Variants in ZNF385D observed in about 807,000 individuals in gnomAD.
ZNF385D encodes zinc finger protein 659.
ZNF385D carries 15 observed loss-of-function variants against 35.8 expected under a neutral mutation model. The observed-to-expected ratio is 0.42, with a 90% CI of 0.28 to 0.64. The LOEUF (loss-of-function observed/expected upper bound fraction) is 0.64. Among genes scored for constraint, ZNF385D ranks in the 30% least tolerant of loss-of-function variants. ZNF385D has a pLI of 0.23. For synonymous variants in ZNF385D, 212 were observed against 186.8 expected (o/e 1.13, Z -1.10); for missense variants, 474 against 494.6 (o/e 0.96, Z 0.39).
At chr3:21,738,394 T>C (rs764181298) in intron 1 of ZNF385D, among the ~76,000 whole-genome samples, 21 of 152,214 alleles carry the variant, frequency 1.4e-4, no homozygotes, top group Non-Finnish European at 2.5e-4. Flanking sequence ...ACAGGAATAC[T>C]GATAATTCTT....
chr3:21,720,029 T>G (rs1459570910), intron 1 of ZNF385D, among the ~76,000 whole-genome samples: 1 of 152,150 alleles, frequency 6.6e-6, no homozygotes, highest in African/African-American at 2.4e-5. Flanking sequence ...TTGTGAAACT[T>G]AGCTGCGCAC....
chr3:22,098,623 G>A (rs1701760914), intron 3 of ZNF385D, among the ~76,000 whole-genome samples: 1 of 151,946 alleles, frequency 6.6e-6, no homozygotes, highest in Admixed American at 6.6e-5. Context: ...TTCCCATCTG[G>A]GAAGGAGAGG....
intron 3 of ZNF385D, among the ~76,000 whole-genome samples, chr3:22,078,838 G>C (rs892590819): frequency 2.6e-5 from 4 of 151,954 alleles, no homozygotes; most frequent in African/African-American, 9.7e-5. Context: ...GCAAAGATAA[G>C]TTCTATAATA....
intron 2 of ZNF385D, among the ~76,000 whole-genome samples, chr3:21,588,375 A>C (rs2063873888): frequency 6.6e-6 from 1 of 152,118 alleles, no homozygotes; most frequent in Non-Finnish European, 1.5e-5. Flanking sequence ...TGCTTTCAAA[A>C]ATTTACCTTT....
At chr3:21,959,021 A>G (rs914380300) in intron 3 of ZNF385D, 2 of 152,192 alleles carry the variant, frequency 1.3e-5, no homozygotes, top group African/African-American at 4.8e-5. Flanking sequence ...AGCATAAAAT[A>G]CAGGTTTCTG....
chr3:21,615,007 T>C (rs554926980), intron 2 of ZNF385D, among the ~76,000 whole-genome samples: 2 of 152,246 alleles, frequency 1.3e-5, no homozygotes, highest in East Asian at 1.9e-4. Flanking sequence ...CAACAAAACC[T>C]CCCCCAGTGG....
chr3:21,930,981 C>A (rs1224659377), intron 3 of ZNF385D, among the ~76,000 whole-genome samples: 1 of 151,980 alleles, frequency 6.6e-6, no homozygotes, highest in African/African-American at 2.4e-5. Flanking sequence ...AAATAAGAAA[C>A]TTCTGTGCTT....
chr3:22,154,027 T>C (rs1292008110), intron 3 of ZNF385D, among the ~76,000 whole-genome samples: 2 of 152,126 alleles, frequency 1.3e-5, no homozygotes, highest in African/African-American at 4.8e-5. Context: ...TTACTTTCCA[T>C]TTCATTTTCT....
intron 1 of ZNF385D, among the ~76,000 whole-genome samples, chr3:21,715,256 C>T (rs565751495): frequency 2.0e-5 from 3 of 152,192 alleles, no homozygotes; most frequent in African/African-American, 4.8e-5. Flanking sequence ...CCCCATTACT[C>T]GTTCAAGTTT....
At chr3:21,983,154 ATT>A (rs756954141) in intron 3 of ZNF385D, among the ~76,000 whole-genome samples, 19,833 of 116,464 alleles carry the variant, frequency 0.17, 1,518 homozygotes, top group Middle Eastern at 0.27. Context: ...ATTTTATTTT[ATT>A]TTATTTTATT....
chr3:22,191,788 A>G (rs1004650382), intron 2 of ZNF385D, among the ~76,000 whole-genome samples: 1 of 152,194 alleles, frequency 6.6e-6, no homozygotes, highest in Non-Finnish European at 1.5e-5. Flanking sequence ...AAAATATTTC[A>G]GTGAAGGAAT....
intron 1 of ZNF385D, among the ~76,000 whole-genome samples, chr3:21,744,235 G>A (rs180720058): frequency 6.6e-6 from 1 of 152,114 alleles, no homozygotes; most frequent in African/African-American, 2.4e-5. Flanking sequence ...GATAAAAAAA[G>A]CAAAATGTTG....
chr3:22,098,032 C>T (rs952821532), intron 3 of ZNF385D, among the ~76,000 whole-genome samples: 1 of 152,020 alleles, frequency 6.6e-6, no homozygotes, highest in Non-Finnish European at 1.5e-5. Flanking sequence ...TAGGAACTCA[C>T]AGGCTAGGGA....
intron 3 of ZNF385D, among the ~76,000 whole-genome samples, chr3:21,819,635 ATATATTC>A (rs72227011): frequency 0.16 from 24,009 of 146,440 alleles, 2,571 homozygotes; most frequent in East Asian, 0.37. Flanking sequence ...TTATATAATT[ATATATTC>A]TATATTATAT....
chr3:21,835,679 T>C (rs997147039), intron 3 of ZNF385D, among the ~76,000 whole-genome samples: 11 of 152,108 alleles, frequency 7.2e-5, no homozygotes, highest in African/African-American at 2.2e-4. Context: ...AAAAGGTTCT[T>C]GGTAAACCAG....
At chr3:22,360,940 CCTCT>C (rs1209967877) in intron 2 of ZNF385D, among the ~76,000 whole-genome samples, 1 of 151,946 alleles carries the variant, frequency 6.6e-6, no homozygotes, top group Non-Finnish European at 1.5e-5. Context: ...GATTATGCGA[CCTCT>C]CTAGAGATCA....
At chr3:22,183,441 T>A (rs1005997848) in intron 2 of ZNF385D, among the ~76,000 whole-genome samples, 2 of 152,094 alleles carry the variant, frequency 1.3e-5, no homozygotes, top group African/African-American at 4.8e-5. Flanking sequence ...CACTACAACC[T>A]CCGCCTCCCG....
chr3:21,763,029 G>A (rs2070687453), intron 3 of ZNF385D, among the ~76,000 whole-genome samples: 2 of 152,180 alleles, frequency 1.3e-5, no homozygotes, highest in South Asian at 4.1e-4. Flanking sequence ...CTCAACAAAT[G>A]CTTGGTAGGA....
intron 3 of ZNF385D, among the ~76,000 whole-genome samples, chr3:21,519,437 G>C (rs999786140): frequency 1.3e-5 from 2 of 152,148 alleles, no homozygotes; most frequent in Non-Finnish European, 2.9e-5. Flanking sequence ...ATATAGTAGA[G>C]AGTGCTTACC....
Sources: gnomAD v4.1 joint callset for allele counts (sites outside exome capture counted in the v4.1 genomes callset) on GRCh38, gnomAD v4.1.1 for gene constraint, MANE v1.5 for transcripts, NCBI Gene and HGNC (gene_info 2026-07-23, HGNC 2026-07-21) for gene names.